Variants in FURIN observed in about 807,000 individuals in gnomAD.
FURIN encodes the protein furin, paired basic amino acid cleaving enzyme.
A neutral mutation model predicts 89.2 loss-of-function variants in FURIN; 18 were observed. The ratio of observed to expected loss-of-function variants is 0.20; its 90% confidence interval spans 0.14 to 0.30. FURIN has a LOEUF of 0.30. Among genes scored for constraint, FURIN ranks in the 10% least tolerant of loss-of-function variants. FURIN has a pLI of 1.00. For synonymous variants in FURIN, 508 were observed against 466.4 expected (o/e 1.09, Z -1.15); for missense variants, 879 against 1,100.5 (o/e 0.80, Z 2.85).
intron 1 of FURIN, among the ~76,000 whole-genome samples, chr15:90,872,010 A>T (rs1283111811): frequency 6.6e-6 from 1 of 150,738 alleles, no homozygotes; most frequent in Non-Finnish European, 1.5e-5. Flanking sequence ...TGGGGAGAAA[A>T]TTCCGCAGGC....
chr15:90,881,828 G>A lies in FURIN; in HGVS notation c.2335G>A (p.Glu779Lys). Residue 779 changes from glutamate (E) to lysine (K), a missense_variant, in exon 16 of 16, where the codon GAG becomes AAG. Physicochemically the swap from Glu to Lys is moderately conservative, Grantham distance 56. Transcript: ENST00000268171. The surrounding 1 kb of genome is among the most constrained non-coding windows in gnomAD (Gnocchi z 4.3). ...EECPSDSEED[E>K]GRGERTAFIK... is the part of the protein sequence containing the mutation. Reference sequence around the variant, plus strand: ...GTGCCCGTCTGACTCAGAAGAGGACGAGGGCCGGGGCGAGAGGACCGCCTT... The same window carrying A: ...GTGCCCGTCTGACTCAGAAGAGGACAAGGGCCGGGGCGAGAGGACCGCCTT... The A allele has an allele frequency of 5.6e-6, 9 of 1,613,356 alleles. No homozygotes were observed. The highest frequency in any genetic ancestry group is 7.6e-6 in the Non-Finnish European group (9 of 1,179,990).
intron 9 of FURIN, 59 bp from the exon 10 acceptor site, chr15:90,879,385 G>A (rs555190840): frequency 1.6e-6 from 2 of 1,236,614 alleles, no homozygotes; most frequent in Non-Finnish European, 2.4e-6. Flanking sequence ...GGGTAGGCAG[G>A]TGGCTCCTCT....
Position 90,880,682 on chromosome 15 carries a change from C to A in FURIN, c.1557-9C>A. ...GAGGCCTCAGGGCTGTGTGCACTCC[C>A]CTCCCCAGGCCACATGACTACTCCG... On this transcript the variant is annotated splice_polypyrimidine_tract_variant and intron_variant, in intron 13 of 15. Coordinates refer to ENST00000268171, the MANE Select transcript of FURIN (RefSeq NM_002569.4). The A allele has an allele frequency of 6.2e-7, 1 of 1,609,996 alleles. No homozygotes were observed. The highest frequency in any genetic ancestry group is 1.7e-5 in the Admixed American group (1 of 59,674).
At chr15:90,871,926 T>G (rs938064564) in intron 1 of FURIN, among the ~76,000 whole-genome samples, 2 of 150,860 alleles carry the variant, frequency 1.3e-5, no homozygotes, top group African/African-American at 4.9e-5. Context: ...CCGTGGCTGG[T>G]ACTTTTCCGC....
chr15:90,871,223 T>A (rs1437552566), intron 1 of FURIN, among the ~76,000 whole-genome samples: 1 of 152,124 alleles, frequency 6.6e-6, no homozygotes, highest in Non-Finnish European at 1.5e-5. Flanking sequence ...AGAGTCCGGC[T>A]GAGGCAGGGC....
rs1438067625 is a variant in FURIN, at chr15:90,881,360, C to CTCG, written c.1868_1870dup (p.Leu623_Asp624insVal). ...CCCTCCAGGGTTCGCCCCCCAAGTC[C>CTCG]TCGATACGCACTATAGCACCGAGAA... On this transcript the variant is annotated inframe_insertion, in exon 16 of 16. Coordinates refer to ENST00000268171, the MANE Select transcript of FURIN (RefSeq NM_002569.4). The surrounding 1 kb of genome is among the most constrained non-coding windows in gnomAD (Gnocchi z 4.3). 4.3e-6 allele frequency: 7 copies of CTCG among 1,613,076 alleles called. No individual in the cohort carries two copies. Among genetic ancestry groups the CTCG allele is most frequent in the Non-Finnish European group, 5.9e-6 (7 of 1,179,902 alleles).
intron 1 of FURIN, among the ~76,000 whole-genome samples, chr15:90,871,214 G>T (rs1215134836): frequency 2.6e-5 from 4 of 152,182 alleles, no homozygotes; most frequent in African/African-American, 9.6e-5. Context: ...AGTCCCCCAA[G>T]AGTCCGGCTG....
In FURIN at chr15:90,881,726, C is replaced by T. The variant is rs774601294; in HGVS notation, c.2233C>T (p.Arg745Trp). The change falls in exon 16 of 16, where the codon CGG becomes TGG. Residue 745 changes from arginine to tryptophan, a missense_variant. Transcript: ENST00000268171. This position sits in a 1 kb window ranked among gnomAD's most constrained non-coding sequence, Gnocchi z 4.3. ...GCAGCTGCGCTCTGGCTTTAGTTTT[C>T]GGGGGGTGAAGGTGTACACCATGGA... Reference protein sequence around the residue: ...VLQLRSGFSFRGVKVYTMDRG... With the variant: ...VLQLRSGFSFWGVKVYTMDRG... 16 of 1,598,528 alleles carry T rather than the reference C, an allele frequency of 1.0e-5. No homozygotes were observed. The highest frequency in any genetic ancestry group is 2.2e-5 in the East Asian group (1 of 44,624).
rs753334944 is a variant in FURIN, at chr15:90,881,827, C to T, written c.2334C>T (p.Asp778=). ...QEECPSDSEE[D]EGRGERTAFI... is the part of the protein sequence containing the mutation. ...AGTGCCCGTCTGACTCAGAAGAGGA[C>T]GAGGGCCGGGGCGAGAGGACCGCCT... Residue 778 remains aspartate (D), a synonymous_variant, in exon 16 of 16, where the codon GAC becomes GAT. Coordinates refer to ENST00000268171, the MANE Select transcript of FURIN (RefSeq NM_002569.4). This position sits in a 1 kb window ranked among gnomAD's most constrained non-coding sequence, Gnocchi z 4.3. The T allele has an allele frequency of 1.7e-5, 28 of 1,613,210 alleles. No individual in the cohort carries two copies. The East Asian group carries it at 1.8e-4, about 10-fold the overall frequency.
At chr15:90,880,407 G>T in intron 13 of FURIN, 134 bp downstream of exon 13, 1 of 765,062 alleles carries the variant, frequency 1.3e-6, no homozygotes, top group Non-Finnish European at 2.1e-6. Flanking sequence ...TTTTGGGAGG[G>T]ACAATTTTGT....
Position 90,879,906 on chromosome 15 carries a change from C to G in FURIN, c.1298C>G (p.Ala433Gly), listed in dbSNP as rs2031852987. The G allele has an allele frequency of 5.0e-6, 8 of 1,613,462 alleles. No homozygotes were observed. The highest frequency in any genetic ancestry group is 5.9e-6 in the Non-Finnish European group (7 of 1,180,014). The part of the protein sequence containing the change: ...SYGYGLLDAG[A>G]MVALAQNWTT... ...GGCTACGGGCTTTTGGACGCAGGCG[C>G]CATGGTGGCCCTGGCCCAGAATTGG... Residue 433 changes from alanine (A) to glycine (G), a missense_variant, in exon 12 of 16, where the codon GCC (alanine) becomes GGC (glycine). Transcript: ENST00000268171.
chr15:90,869,458 TAGC>T (rs897094617), intron 1 of FURIN, among the ~76,000 whole-genome samples: 4 of 152,234 alleles, frequency 2.6e-5, no homozygotes, highest in Admixed American at 1.3e-4. Flanking sequence ...AAATTCTTTT[TAGC>T]AGCAGAATTG....
intron 13 of FURIN, 146 bp from the exon 14 acceptor site, chr15:90,880,545 G>A (rs2031902043): frequency 1.1e-6 from 1 of 881,628 alleles, no homozygotes; most frequent in Non-Finnish European, 1.7e-6. Flanking sequence ...CTGGCTCACT[G>A]AGAAACAGCC....
At chr15:90,872,303 G>T (rs1390991130) in intron 1 of FURIN, among the ~76,000 whole-genome samples, 1 of 152,148 alleles carries the variant, frequency 6.6e-6, no homozygotes. Context: ...ACCAAGGGGC[G>T]GCCTGCTTGC....
chr15:90,871,022 T>C (rs147086226), intron 1 of FURIN, among the ~76,000 whole-genome samples: 2 of 152,302 alleles, frequency 1.3e-5, no homozygotes, highest in East Asian at 3.9e-4. Flanking sequence ...CACCTGTCTA[T>C]ACAAATGCAG....
In FURIN at chr15:90,876,383, C is replaced by A; in HGVS notation, c.276+30C>A. ...GTGTGGCCCCAGCCCCCTCCTGCTG[C>A]CACCCTCCCCCTCCTGCTCTCAGGA... On this transcript the variant is annotated intron_variant, in intron 3 of 15. Transcript: ENST00000268171. The surrounding 1 kb of genome is among the most constrained non-coding windows in gnomAD (Gnocchi z 5.0). The A allele has an allele frequency of 6.5e-7, 1 of 1,528,212 alleles. No individual in the cohort carries two copies. Among genetic ancestry groups the A allele is most frequent in the Non-Finnish European group, 9.1e-7 (1 of 1,102,178 alleles). The allele number at this position is 1,528,212 out of a possible 1,614,324, so 94.7% of individuals were successfully genotyped here.
At chr15:90,871,907 G>C (rs2031327262) in intron 1 of FURIN, among the ~76,000 whole-genome samples, 1 of 151,326 alleles carries the variant, frequency 6.6e-6, no homozygotes, top group South Asian at 2.1e-4. Flanking sequence ...GCCCGTCTCG[G>C]CCCCCCGGCC....
chr15:90,876,874 G>A lies in FURIN; in HGVS notation c.373-22G>A. 6.2e-7 allele frequency: 1 copy of A among 1,613,378 alleles called. No homozygotes were observed. Among genetic ancestry groups the A allele is most frequent in the Non-Finnish European group, 8.5e-7 (1 of 1,179,436 alleles). On this transcript the variant is annotated intron_variant, in intron 4 of 15. Coordinates refer to ENST00000268171, the MANE Select transcript of FURIN (RefSeq NM_002569.4). The surrounding 1 kb of genome is among the most constrained non-coding windows in gnomAD (Gnocchi z 5.0). The stretch of plus-strand genomic sequence containing the variant: ...ACAAAACCAATCATGTCTCATAAGT[G>A]ATGGGGTGGGTGTCTCCACAGTCTG...
chr15:90,874,956 A>G (rs1015909963), intron 1 of FURIN, among the ~76,000 whole-genome samples: 1 of 149,050 alleles, frequency 6.7e-6, no homozygotes, highest in African/African-American at 2.5e-5. Context: ...CATGGTGAAC[A>G]TTTATTCATT....
Sources: gnomAD v4.1 joint callset for allele counts (sites outside exome capture counted in the v4.1 genomes callset) on GRCh38, gnomAD v4.1.1 for gene constraint, Gnocchi (gnomAD v3.1) non-coding constraint, MANE v1.5 for transcripts, NCBI Gene and HGNC (gene_info 2026-07-23, HGNC 2026-07-21) for gene names.